Variants in NR2F1-AS1 observed in about 807,000 individuals in gnomAD.
The protein encoded by NR2F1-AS1 is NR2F1 antisense RNA 1.
chr5:93,555,253 AC>A (rs1274654814), intron 2 of NR2F1-AS1, among the ~76,000 whole-genome samples: 1 of 152,172 alleles, frequency 6.6e-6, no homozygotes, highest in Non-Finnish European at 1.5e-5. Context: ...AAAACTGGCT[AC>A]TATAATACTC....
intron 4 of NR2F1-AS1, among the ~76,000 whole-genome samples, chr5:93,454,208 G>A (rs1266757283): frequency 2.6e-5 from 4 of 152,098 alleles, no homozygotes; most frequent in Non-Finnish European, 5.9e-5. Flanking sequence ...TTGAACCCAG[G>A]AGGTGGAGGC....
chr5:93,558,288 T>C (rs1752407054), intron 2 of NR2F1-AS1, among the ~76,000 whole-genome samples: 1 of 152,106 alleles, frequency 6.6e-6, no homozygotes, highest in Non-Finnish European at 1.5e-5. Context: ...AATCACTACG[T>C]ATGGCAGCTA....
At position 93,568,614 on chromosome 5, in the gene NR2F1-AS1, T is replaced by C. The variant is rs147448116; in HGVS notation, n.314-5151A>G. On this transcript the variant is annotated intron_variant and non_coding_transcript_variant, in intron 1 of 5. Coordinates refer to ENST00000660523, the Ensembl canonical transcript of NR2F1-AS1. ...AAACCCCAGAATACCTAGTCACAAA[T>C]CCAAAACAGAAAAAGATTAAATAAA... Among the ~76,000 whole-genome samples the C allele has an allele frequency of 7.0e-3, 1,067 of 152,248 alleles. 9 individuals carry two copies. The highest frequency in any genetic ancestry group is 0.031 in the Middle Eastern group (9 of 294).
chr5:93,417,054 G>GT (rs1370199463), intron 4 of NR2F1-AS1, among the ~76,000 whole-genome samples: 1 of 152,152 alleles, frequency 6.6e-6, no homozygotes, highest in Non-Finnish European at 1.5e-5. Context: ...CACATAGCTA[G>GT]TAAGTGGCCT....
chr5:93,414,879 G>A (rs1324401435), intron 4 of NR2F1-AS1, among the ~76,000 whole-genome samples: 1 of 152,030 alleles, frequency 6.6e-6, no homozygotes, highest in Non-Finnish European at 1.5e-5. Context: ...CCAGCAACAT[G>A]CTACTGTGTA....
upstream of NR2F1-AS1, among the ~76,000 whole-genome samples, chr5:93,582,103 C>T (rs1416454698): frequency 7.5e-6 from 1 of 133,460 alleles, no homozygotes; most frequent in Non-Finnish European, 1.6e-5. Flanking sequence ...TCCCCCTTTT[C>T]TCTCTCCCTC....
intron 4 of NR2F1-AS1, among the ~76,000 whole-genome samples, chr5:93,548,737 G>A (rs1190288935): frequency 6.6e-6 from 1 of 151,988 alleles, no homozygotes; most frequent in Non-Finnish European, 1.5e-5. Context: ...TGGGTGTAGT[G>A]GCACATGCCT....
intron 4 of NR2F1-AS1, among the ~76,000 whole-genome samples, chr5:93,456,540 G>C (rs972265708): frequency 6.6e-6 from 1 of 152,070 alleles, no homozygotes; most frequent in Non-Finnish European, 1.5e-5. Context: ...CTATAGATTT[G>C]ATACCATTCC....
chr5:93,519,449 C>A (rs932762661), intron 4 of NR2F1-AS1, among the ~76,000 whole-genome samples: 3 of 152,110 alleles, frequency 2.0e-5, no homozygotes, highest in South Asian at 2.1e-4. Context: ...TATTCACATA[C>A]GTGGGAATAT....
chr5:93,441,367 A>G (rs1357784283), intron 4 of NR2F1-AS1, among the ~76,000 whole-genome samples: 8 of 152,224 alleles, frequency 5.3e-5, no homozygotes, highest in Non-Finnish European at 8.8e-5. Context: ...CCTTACCTAG[A>G]GTGATCAACA....
At chr5:93,412,265 T>C (rs1424454612) in intron 4 of NR2F1-AS1, among the ~76,000 whole-genome samples, 1 of 152,182 alleles carries the variant, frequency 6.6e-6, no homozygotes, top group Non-Finnish European at 1.5e-5. Context: ...CAGCCTGGAA[T>C]AAGATGGCCT....
intron 4 of NR2F1-AS1, among the ~76,000 whole-genome samples, chr5:93,455,717 AAC>A (rs1749930335): frequency 6.6e-6 from 1 of 152,086 alleles, no homozygotes; most frequent in Admixed American, 6.6e-5. Flanking sequence ...CATATTAAGT[AAC>A]ACACACATAT....
At chr5:93,446,395 T>TATACAACA (rs1196989544) in intron 4 of NR2F1-AS1, among the ~76,000 whole-genome samples, 3 of 152,184 alleles carry the variant, frequency 2.0e-5, no homozygotes, top group Admixed American at 6.5e-5. Flanking sequence ...CAAGCATTCC[T>TATACAACA]ATACACCAAT....
At chr5:93,565,549 C>T (rs1185707539) in intron 1 of NR2F1-AS1, among the ~76,000 whole-genome samples, 2 of 151,892 alleles carry the variant, frequency 1.3e-5, no homozygotes, top group African/African-American at 2.4e-5. Context: ...TTCTGGAAGG[C>T]TTCAATTGTA....
intron 4 of NR2F1-AS1, among the ~76,000 whole-genome samples, chr5:93,528,729 T>C (rs972040826): frequency 6.6e-6 from 1 of 152,096 alleles, no homozygotes; most frequent in Admixed American, 6.6e-5. Context: ...ATAAAAAGGA[T>C]GAGTTCATGT....
At chr5:93,498,783 G>T (rs1438227606) in intron 4 of NR2F1-AS1, among the ~76,000 whole-genome samples, 1 of 152,024 alleles carries the variant, frequency 6.6e-6, no homozygotes, top group Non-Finnish European at 1.5e-5. Context: ...CTGGATAAAG[G>T]CTCTTCAGAG....
intron 4 of NR2F1-AS1, among the ~76,000 whole-genome samples, chr5:93,434,571 A>G (rs1349458849): frequency 6.6e-6 from 1 of 152,216 alleles, no homozygotes; most frequent in Non-Finnish European, 1.5e-5. Context: ...TTTCCCAAGA[A>G]AAAAGATATT....
At chr5:93,583,176 G>A (rs1753153839), upstream of NR2F1-AS1, 1 of 152,142 alleles carries the variant, frequency 6.6e-6, no homozygotes, top group Non-Finnish European at 1.5e-5. Flanking sequence ...TTCAATAGTA[G>A]TGTCAAAGTT....
At chr5:93,507,187 A>G (rs1751202489) in intron 4 of NR2F1-AS1, among the ~76,000 whole-genome samples, 1 of 152,230 alleles carries the variant, frequency 6.6e-6, no homozygotes, top group Non-Finnish European at 1.5e-5. Flanking sequence ...AGAATACAAG[A>G]AAATTCTCTT....
Sources: allele counts gnomAD v4.1 joint callset (sites outside exome capture counted in the v4.1 genomes callset), GRCh38; gene constraint gnomAD v4.1.1; transcripts MANE v1.5; gene names NCBI Gene and HGNC (gene_info 2026-07-23, HGNC 2026-07-21).